Variants in SPACA7 observed in about 807,000 individuals in gnomAD.
SPACA7 encodes sperm acrosome associated 7.
SPACA7 carries 19 observed loss-of-function variants against 26.3 expected under a neutral mutation model. The ratio of observed to expected loss-of-function variants is 0.72; its 90% CI spans 0.50 to 1.06. SPACA7 has a LOEUF of 1.06. Ranked by LOEUF, SPACA7 falls within the 50% of genes least tolerant of loss-of-function variation. The pLI is 0.00. For missense variants in SPACA7, 211 were observed against 229.9 expected (o/e 0.92, Z 0.53); for synonymous variants, 84 against 84.5 (o/e 0.99, Z 0.04).
intron 5 of SPACA7, among the ~76,000 whole-genome samples, chr13:112,423,641 GT>G (rs1386981683): frequency 2.0e-5 from 3 of 152,234 alleles, no homozygotes; most frequent in Non-Finnish European, 4.4e-5. Context: ...AAGGGGCAGT[GT>G]TTGAAGGAAT....
chr13:112,376,667 A>T (rs80217834), intron 1 of SPACA7, among the ~76,000 whole-genome samples, 188 bp downstream of exon 1: 12,973 of 152,252 alleles, frequency 0.085, 585 homozygotes, highest in Non-Finnish European at 0.087. Context: ...TCCATAGGAA[A>T]GTTGCAAATG....
rs1470591633 is a variant in SPACA7, at chr13:112,393,228, G to A, written c.151+151G>A. The A allele has an allele frequency of 4.2e-5, 23 of 551,300 alleles. No individual in the cohort carries two copies. In the Admixed American group the frequency reaches 6.5e-4, roughly 16 times the overall value. The allele number at this position is 551,300 out of a possible 1,614,324, so 34.2% of individuals were successfully genotyped here. A position where few individuals can be genotyped will look rare whatever the true frequency, so the allele number is the denominator to read the frequency against. Reference sequence around the variant, plus strand: ...TAGAATCATATACCAATGGCCCATAGCTTTACTGCTGACATCTAAGAGTCA... The same window carrying A: ...TAGAATCATATACCAATGGCCCATAACTTTACTGCTGACATCTAAGAGTCA... On this transcript the variant is annotated intron_variant, in intron 2 of 6. Transcript: ENST00000283550.
intron 5 of SPACA7, among the ~76,000 whole-genome samples, chr13:112,401,441 C>G (rs578235835): frequency 6.6e-6 from 1 of 152,202 alleles, no homozygotes; most frequent in East Asian, 1.9e-4. Context: ...GGTTTTTGGT[C>G]TTTTAGCCTC....
At chr13:112,406,635 A>C (rs1265834005) in intron 5 of SPACA7, among the ~76,000 whole-genome samples, 1 of 152,216 alleles carries the variant, frequency 6.6e-6, no homozygotes, top group Non-Finnish European at 1.5e-5. Flanking sequence ...TATTAGGGAA[A>C]TATAAATCAA....
chr13:112,432,342 G>C (rs1877238284), intron 5 of SPACA7, 102 bp from the exon 6 acceptor site: 4 of 916,646 alleles, frequency 4.4e-6, no homozygotes, highest in Non-Finnish European at 7.0e-6. Flanking sequence ...CGTGGGTGCT[G>C]CTTTGCTCAG....
chr13:112,431,956 G>T (rs59340753), intron 5 of SPACA7, among the ~76,000 whole-genome samples: 1 of 152,030 alleles, frequency 6.6e-6, no homozygotes, highest in Non-Finnish European at 1.5e-5. Flanking sequence ...TGAGCAGCGG[G>T]GACCACACAG....
chr13:112,395,027 C>A (rs1231164762), intron 2 of SPACA7, among the ~76,000 whole-genome samples: 1 of 152,210 alleles, frequency 6.6e-6, no homozygotes, highest in Non-Finnish European at 1.5e-5. Flanking sequence ...GCAGGCCAGG[C>A]CGAGACTCTC....
At chr13:112,394,730 T>C (rs1885123955) in intron 2 of SPACA7, among the ~76,000 whole-genome samples, 1 of 152,336 alleles carries the variant, frequency 6.6e-6, no homozygotes, top group African/African-American at 2.4e-5. Context: ...ACTTTCCTAG[T>C]GAAGCTGGCG....
intron 5 of SPACA7, among the ~76,000 whole-genome samples, chr13:112,411,860 T>C (rs1199954208): frequency 6.6e-6 from 1 of 152,212 alleles, no homozygotes. Context: ...GACACTTACG[T>C]TGATACCACG....
At chr13:112,429,871 T>G (rs1876895778) in intron 5 of SPACA7, among the ~76,000 whole-genome samples, 1 of 152,224 alleles carries the variant, frequency 6.6e-6, no homozygotes, top group South Asian at 2.1e-4. Flanking sequence ...TTAAAGCAGT[T>G]TGGTCCTTTT....
chr13:112,402,379 T>C (rs1202085999), intron 5 of SPACA7, among the ~76,000 whole-genome samples: 1 of 148,308 alleles, frequency 6.7e-6, no homozygotes, highest in Non-Finnish European at 1.5e-5. Context: ...TAGGTTAATT[T>C]TATCCTGCTA....
At chr13:112,417,873 C>A (rs1369159486) in intron 5 of SPACA7, among the ~76,000 whole-genome samples, 4 of 152,068 alleles carry the variant, frequency 2.6e-5, no homozygotes, top group African/African-American at 9.7e-5. Context: ...TTCACTATAA[C>A]TTTTAAATTT....
At chr13:112,383,166 AAAGAAAGAAAGAAAG>A (rs1884290339) in intron 1 of SPACA7, among the ~76,000 whole-genome samples, 1 of 132,230 alleles carries the variant, frequency 7.6e-6, no homozygotes, top group Admixed American at 7.5e-5. Context: ...AGAAAGAAAG[AAAGAAAGAAAGAAAG>A]AAAGAAAGAA....
At chr13:112,377,785 G>T (rs964530557) in intron 1 of SPACA7, among the ~76,000 whole-genome samples, 2 of 152,214 alleles carry the variant, frequency 1.3e-5, no homozygotes, top group Admixed American at 1.3e-4. Context: ...TTTTCTCTTT[G>T]AACAAGATAA....
At chr13:112,394,584 G>C (rs1885113046) in intron 2 of SPACA7, among the ~76,000 whole-genome samples, 1 of 152,026 alleles carries the variant, frequency 6.6e-6, no homozygotes, top group African/African-American at 2.4e-5. Context: ...GTGGATGGAT[G>C]AGTGAGCGCT....
intron 5 of SPACA7, among the ~76,000 whole-genome samples, chr13:112,424,956 G>C (rs1876386202): frequency 6.6e-6 from 1 of 152,178 alleles, no homozygotes; most frequent in Non-Finnish European, 1.5e-5. Flanking sequence ...GGTGTTTGTT[G>C]AATGAATGAA....
In SPACA7 at chr13:112,418,399, G is replaced by A. The variant is rs557738435; in HGVS notation, c.446-14045G>A. Among the ~76,000 whole-genome samples, 8 of 152,140 alleles carry A rather than the reference G, an allele frequency of 5.3e-5. No homozygotes were observed. The South Asian group carries it at 1.0e-3, about 20-fold the overall frequency. ...AAATGAAATCCCTGAATAATGCTAC[G>A]ACTGCTAACAAGACTACACCCTCAG... On this transcript the variant is annotated intron_variant, in intron 5 of 6. Transcript: ENST00000283550.
At chr13:112,434,194 G>C (rs938639957) in intron 6 of SPACA7, among the ~76,000 whole-genome samples, 4 of 152,192 alleles carry the variant, frequency 2.6e-5, no homozygotes, top group African/African-American at 9.7e-5. Context: ...GGGAGGAGGA[G>C]GAGGACCAGT....
chr13:112,410,517 C>T (rs1417631411), intron 5 of SPACA7, among the ~76,000 whole-genome samples: 1 of 151,824 alleles, frequency 6.6e-6, no homozygotes, highest in Admixed American at 6.6e-5. Context: ...AAAATTCTGA[C>T]ACATAGTAAA....
Sources: allele counts gnomAD v4.1 joint callset (sites outside exome capture counted in the v4.1 genomes callset), GRCh38; gene constraint gnomAD v4.1.1; transcripts MANE v1.5; gene names NCBI Gene and HGNC (gene_info 2026-07-23, HGNC 2026-07-21).